Variants in ASMT observed in about 807,000 individuals in gnomAD.
ASMT encodes acetylserotonin N-methyltransferase.
In ASMT, 53 loss-of-function variants were observed where a neutral mutation model predicts 41.3. The ratio of observed to expected loss-of-function variants is 1.28; its 90% CI spans 1.03 to 1.61. The LOEUF is 1.61. Among genes scored for constraint, ASMT ranks in the 40% most tolerant of loss-of-function variants. The probability of loss-of-function intolerance (pLI) is 0.00; values close to 1 mark genes in which losing one functional copy is unlikely to be tolerated. For missense variants in ASMT, 531 were observed against 441.3 expected (o/e 1.20, Z -1.82); for synonymous variants, 231 against 184.8 (o/e 1.25, Z -2.03).
chrX:1,619,838 T>A (rs1416866887), intron 1 of ASMT, among the ~76,000 whole-genome samples: 1 of 151,854 alleles, frequency 6.6e-6, no homozygotes, highest in Admixed American at 6.6e-5. Flanking sequence ...ATGCCTGTAA[T>A]CTGAGCACTT....
chrX:1,618,015 A>T (rs1184265405), intron 1 of ASMT, among the ~76,000 whole-genome samples: 5 of 151,248 alleles, frequency 3.3e-5, no homozygotes, highest in African/African-American at 1.2e-4. Context: ...CTAGGCCCCC[A>T]AGGGTTAAAA....
At chrX:1,623,774 G>C (rs1934422917) in intron 2 of ASMT, among the ~76,000 whole-genome samples, 1 of 152,000 alleles carries the variant, frequency 6.6e-6, no homozygotes, top group South Asian at 2.1e-4. Context: ...CGTTGGCCAG[G>C]CTGGTCTCGA....
chrX:1,628,009 C>G (rs1934621105), intron 4 of ASMT: 1 of 604,062 alleles, frequency 1.7e-6, no homozygotes, highest in South Asian at 2.0e-5. Flanking sequence ...TACTCACAAA[C>G]TCAGTGTTTA....
At chrX:1,618,867 G>C in intron 1 of ASMT, among the ~76,000 whole-genome samples, 1 of 152,194 alleles carries the variant, frequency 6.6e-6, no homozygotes, top group Non-Finnish European at 1.5e-5. Context: ...GACTGTCGCT[G>C]GTTCACAGCG....
chrX:1,624,260 G>C lies in ASMT; in HGVS notation c.245-9G>C, dbSNP rs1376786960. 1.9e-6 allele frequency: 3 copies of C among 1,613,880 alleles called. No individual in the cohort carries two copies. The highest frequency in any genetic ancestry group is 2.5e-6 in the Non-Finnish European group (3 of 1,179,840). ...CTGCTTTTTCCCTGTTTTTTTGTGTGTGTTTCAGCTTTCTATCGAAACACA... is the reference window on the plus strand; with the variant it reads ...CTGCTTTTTCCCTGTTTTTTTGTGTCTGTTTCAGCTTTCTATCGAAACACA... On this transcript the variant is annotated splice_polypyrimidine_tract_variant and intron_variant, in intron 2 of 8. Transcript: ENST00000381241.
At chrX:1,623,954 A>C (rs1229916675) in intron 2 of ASMT, among the ~76,000 whole-genome samples, 1 of 151,968 alleles carries the variant, frequency 6.6e-6, no homozygotes, top group Non-Finnish European at 1.5e-5. Context: ...CGGCCTCAAT[A>C]AGTTATTTTA....
At chrX:1,616,122 G>C (rs761935751) in intron 1 of ASMT, among the ~76,000 whole-genome samples, 1 of 151,050 alleles carries the variant, frequency 6.6e-6, no homozygotes, top group Non-Finnish European at 1.5e-5. Context: ...TCCGCCTCCA[G>C]GGTTCAGGCT....
intron 7 of ASMT, 158 bp from the exon 8 acceptor site, chrX:1,636,280 T>G: frequency 9.1e-7 from 1 of 1,100,402 alleles, no homozygotes; most frequent in South Asian, 1.2e-5. Flanking sequence ...ATCTTTCTCC[T>G]AAGCCTTTTT....
At chrX:1,615,760 C>CCATCA (rs1569367397) in intron 1 of ASMT, among the ~76,000 whole-genome samples, 12 of 151,798 alleles carry the variant, frequency 7.9e-5, no homozygotes, top group East Asian at 5.9e-4. Flanking sequence ...CGAGATCGCA[C>CCATCA]CACTGCACTC....
intron 6 of ASMT, 73 bp downstream of exon 6, chrX:1,632,860 G>T (rs1478491815): frequency 9.6e-6 from 5 of 523,128 alleles, no homozygotes; most frequent in Non-Finnish European, 1.7e-5. Flanking sequence ...TCAGGGCCTG[G>T]GGGGCTGGGA....
At chrX:1,627,628 TGAAAC>T (rs1206925406) in intron 3 of ASMT, 70 bp from the exon 4 acceptor site, 5 of 1,319,204 alleles carry the variant, frequency 3.8e-6, no homozygotes, top group Non-Finnish European at 5.4e-6. Flanking sequence ...TGAAACGAAA[TGAAAC>T]GAAATGAAAT....
At chrX:1,640,624 G>A (rs866165561) in intron 8 of ASMT, among the ~76,000 whole-genome samples, 457 of 12,636 alleles carry the variant, frequency 0.036, no homozygotes, top group South Asian at 0.1. Context: ...GTGTGAGATA[G>A]GGACCATGTC....
At chrX:1,636,235 G>A (rs1934957197) in intron 7 of ASMT, 3 of 731,680 alleles carry the variant, frequency 4.1e-6, no homozygotes, top group South Asian at 3.0e-5. Context: ...AGGATTACAG[G>A]CGTGAGCCAC....
intron 1 of ASMT, among the ~76,000 whole-genome samples, chrX:1,622,686 G>C (rs1433504786): frequency 6.6e-6 from 1 of 151,748 alleles, no homozygotes; most frequent in African/African-American, 2.4e-5. Flanking sequence ...GGCCGAGGCT[G>C]GCAGATCACG....
At chrX:1,635,141 A>ATTT (rs762432316) in intron 7 of ASMT, among the ~76,000 whole-genome samples, 1 of 134,342 alleles carries the variant, frequency 7.4e-6, no homozygotes, top group African/African-American at 2.8e-5. Flanking sequence ...CGCCCAGCTA[A>ATTT]TTTTTTTTTT....
rs372263543 is a variant in ASMT at position 1,631,767 on chromosome X, A to C, written c.563-937A>C. ...CCGTCTCTACTAAAAATACAAAAAA[A>C]GGCTGGGTGCGGTGGCTCATGCCTG... is the stretch of plus-strand genomic sequence containing the variant. On this transcript the variant is annotated intron_variant, in intron 5 of 8. Transcript: ENST00000381241. 2.8e-3 allele frequency among the ~76,000 whole-genome samples: 429 copies of C among 152,078 alleles called. 3 individuals are homozygous for C. Among genetic ancestry groups the C allele is most frequent in the African/African-American group, 9.5e-3 (393 of 41,506 alleles).
chrX:1,634,656 C>A (rs866925018), intron 7 of ASMT, among the ~76,000 whole-genome samples: 15 of 105,932 alleles, frequency 1.4e-4, no homozygotes, highest in South Asian at 5.3e-4. Context: ...TGAGTTAACC[C>A]CCCCCCTTTT....
At chrX:1,616,555 T>C (rs774551618) in intron 1 of ASMT, among the ~76,000 whole-genome samples, 1 of 151,270 alleles carries the variant, frequency 6.6e-6, no homozygotes, top group African/African-American at 2.4e-5. Context: ...ATGTACTAAG[T>C]GCCCCTGAAT....
intron 8 of ASMT, among the ~76,000 whole-genome samples, chrX:1,636,996 G>C (rs1168979988): frequency 1.3e-5 from 1 of 79,468 alleles, no homozygotes; most frequent in South Asian, 4.1e-4. Flanking sequence ...CACAGCCTCT[G>C]TGTGTGATGG....
Sources: gnomAD v4.1 joint callset for allele counts (sites outside exome capture counted in the v4.1 genomes callset) on GRCh38, gnomAD v4.1.1 for gene constraint, MANE v1.5 for transcripts, NCBI Gene and HGNC (gene_info 2026-07-23, HGNC 2026-07-21) for gene names.